Variants in ARHGAP6 observed in about 807,000 individuals in gnomAD.
ARHGAP6 encodes the protein Rho GTPase activating protein 6, also known as rho GTPase-activating protein 6.
ARHGAP6 carries 16 observed loss-of-function variants against 55.7 expected under a neutral mutation model. The ratio of observed to expected loss-of-function variants is 0.29; its 90% confidence interval spans 0.19 to 0.44. The LOEUF (loss-of-function observed/expected upper bound fraction) is 0.44, where lower values mean the gene tolerates loss of function less well. Among genes scored for constraint, ARHGAP6 ranks in the 20% least tolerant of loss-of-function variants. ARHGAP6 has a pLI of 1.00. For missense variants in ARHGAP6, 698 were observed against 808.9 expected (o/e 0.86, Z 1.66); for synonymous variants, 382 against 360.9 (o/e 1.06, Z -0.66).
At position 11,583,398 on chromosome X, in the gene ARHGAP6, T is replaced by C. The variant is rs150053859; in HGVS notation, c.588+80843A>G. ...CACACAAAATAAGCCACAAGGGCTA[T>C]TCGATATTAGACACTAGATATTTTA... On this transcript the variant is annotated intron_variant, in intron 1 of 12. Transcript: ENST00000337414. Among the ~76,000 whole-genome samples the C allele has an allele frequency of 2.3e-3, 256 of 112,325 alleles. 1 individual carries two copies. The highest frequency in any genetic ancestry group is 4.0e-3 in the Non-Finnish European group (213 of 53,200).
intron 1 of ARHGAP6, among the ~76,000 whole-genome samples, chrX:11,262,226 T>C (rs1255056320): frequency 9.0e-6 from 1 of 111,300 alleles, no homozygotes; most frequent in Non-Finnish European, 1.9e-5. Flanking sequence ...CAAAAAAAGT[T>C]TGAAAACAAT....
chrX:11,579,125 C>T (rs2051636642), intron 1 of ARHGAP6, among the ~76,000 whole-genome samples: 1 of 110,829 alleles, frequency 9.0e-6, no homozygotes, highest in Non-Finnish European at 1.9e-5. Flanking sequence ...CAACATGGCA[C>T]ATGCATACAT....
intron 1 of ARHGAP6, among the ~76,000 whole-genome samples, chrX:11,529,688 G>T (rs2051027957): frequency 9.0e-6 from 1 of 111,664 alleles, no homozygotes; most frequent in African/African-American, 3.3e-5. Flanking sequence ...TGAGTAAACT[G>T]ACACCTTGTT....
chrX:11,174,680 TTTCTTTCA>T (rs1339194637), intron 8 of ARHGAP6, among the ~76,000 whole-genome samples: 83 of 67,665 alleles, frequency 1.2e-3, no homozygotes, highest in African/African-American at 1.9e-3. Flanking sequence ...TCTTTCTTTC[TTTCTTTCA>T]TTCATTTATT....
chrX:11,225,133 T>C (rs1268856854), intron 2 of ARHGAP6, among the ~76,000 whole-genome samples: 1 of 110,593 alleles, frequency 9.0e-6, no homozygotes, highest in Non-Finnish European at 1.9e-5. Context: ...GCTATTATTA[T>C]TATTACGGGA....
chrX:11,255,557 T>C lies in ARHGAP6; in HGVS notation c.589-850A>G, dbSNP rs985602851. ...GTAATTCTCCCCAAATCATAAAACT[T>C]ATAAGATTTGGAATAAGGACTCAAG... On this transcript the variant is annotated intron_variant, in intron 1 of 12. Coordinates refer to ENST00000337414, the MANE Select transcript of ARHGAP6 (RefSeq NM_013427.3). Among the ~76,000 whole-genome samples the C allele has an allele frequency of 3.6e-5, 4 of 111,087 alleles. No individual in the cohort carries two copies. In the Admixed American group the frequency reaches 3.8e-4, roughly 11 times the overall value.
intron 1 of ARHGAP6, among the ~76,000 whole-genome samples, chrX:11,458,943 G>A (rs1295503041): frequency 9.0e-6 from 1 of 111,317 alleles, no homozygotes; most frequent in African/African-American, 3.3e-5. Context: ...GTGGGATGGG[G>A]TGGGGTGAGG....
chrX:11,236,088 C>T (rs1174239412), intron 2 of ARHGAP6, among the ~76,000 whole-genome samples: 1 of 111,979 alleles, frequency 8.9e-6, no homozygotes, highest in Admixed American at 9.4e-5. Flanking sequence ...AGTGCATTCT[C>T]ACCCTGCTAT....
intron 1 of ARHGAP6, among the ~76,000 whole-genome samples, chrX:11,376,367 C>A (rs889450870): frequency 8.0e-5 from 9 of 112,761 alleles, no homozygotes; most frequent in Non-Finnish European, 1.5e-4. Flanking sequence ...TGAGACTCTT[C>A]CAGTTGGAGT....
At chrX:11,277,111 T>C (rs2047781573) in intron 1 of ARHGAP6, among the ~76,000 whole-genome samples, 1 of 111,791 alleles carries the variant, frequency 8.9e-6, no homozygotes, top group Non-Finnish European at 1.9e-5. Context: ...TGACATTTAA[T>C]ATAAAAGTAG....
rs112494222 is a variant in ARHGAP6, at chrX:11,309,893, G to T, written c.589-55186C>A. Among the ~76,000 whole-genome samples the T allele has an allele frequency of 4.0e-4, 45 of 111,302 alleles. 1 individual carries two copies. Among genetic ancestry groups the T allele is most frequent in the African/African-American group, 1.4e-3 (43 of 30,667 alleles). On this transcript the variant is annotated intron_variant, in intron 1 of 12. Transcript: ENST00000337414. ...TCAAAATCACAGTGAGGCTCATGCC[G>T]GTAATCCCAGCATTTTGAGAGGCCA...
chrX:11,187,213 G>A (rs2046397193), intron 4 of ARHGAP6, among the ~76,000 whole-genome samples: 1 of 111,515 alleles, frequency 9.0e-6, no homozygotes, highest in Admixed American at 9.6e-5. Flanking sequence ...TAGGCTGGGT[G>A]CCTCTGGCAT....
intron 1 of ARHGAP6, among the ~76,000 whole-genome samples, chrX:11,644,029 G>A (rs1277896854): frequency 8.9e-6 from 1 of 111,818 alleles, no homozygotes; most frequent in Non-Finnish European, 1.9e-5. Context: ...ATGAAACCAA[G>A]TGTTGTGGTT....
At chrX:11,608,995 C>G (rs2052070471) in intron 1 of ARHGAP6, among the ~76,000 whole-genome samples, 1 of 111,749 alleles carries the variant, frequency 8.9e-6, no homozygotes, top group African/African-American at 3.3e-5. Flanking sequence ...TCCGTCATAA[C>G]TAAAAAAGCA....
intron 1 of ARHGAP6, chrX:11,367,651 T>C: frequency 5.8e-6 from 1 of 171,309 alleles, no homozygotes; most frequent in South Asian, 2.6e-4. Flanking sequence ...TGTTATTTGT[T>C]CTGGATCTTA....
At chrX:11,358,479 TTCTTTC>T (rs1325955990) in intron 1 of ARHGAP6, among the ~76,000 whole-genome samples, 10 of 91,077 alleles carry the variant, frequency 1.1e-4, no homozygotes, top group Middle Eastern at 5.9e-3. Context: ...CTTTCTTTCT[TTCTTTC>T]TTTTTTTTTT....
intron 1 of ARHGAP6, among the ~76,000 whole-genome samples, chrX:11,472,613 GCAACT>G (rs1160924132): frequency 8.9e-6 from 1 of 111,944 alleles, no homozygotes; most frequent in Admixed American, 9.4e-5. Flanking sequence ...AGATCATACA[GCAACT>G]TAGGGTTTAT....
chrX:11,465,168 A>C (rs1416734177), intron 1 of ARHGAP6, among the ~76,000 whole-genome samples: 1 of 112,255 alleles, frequency 8.9e-6, no homozygotes, highest in African/African-American at 3.2e-5. Flanking sequence ...CCTTTAAATA[A>C]AAGAATAATG....
intron 1 of ARHGAP6, among the ~76,000 whole-genome samples, chrX:11,274,363 C>A (rs1306560270): frequency 9.0e-6 from 1 of 111,318 alleles, no homozygotes; most frequent in African/African-American, 3.3e-5. Context: ...ACAACCACAC[C>A]CACTCATTTA....
Sources: gnomAD v4.1 joint callset for allele counts (sites outside exome capture counted in the v4.1 genomes callset) on GRCh38, gnomAD v4.1.1 for gene constraint, MANE v1.5 for transcripts, NCBI Gene and HGNC (gene_info 2026-07-23, HGNC 2026-07-21) for gene names.